Variants in GPC5 observed in about 807,000 individuals in gnomAD.
GPC5 encodes the protein glypican 5.
In GPC5, 47 loss-of-function variants were observed where a neutral mutation model predicts 53.9. The observed-to-expected ratio is 0.87, with a 90% confidence interval of 0.69 to 1.11. The LOEUF (loss-of-function observed/expected upper bound fraction) is 1.11, where lower values mean the gene tolerates loss of function less well. Ranked by LOEUF, GPC5 falls within the 50% of genes most tolerant of loss-of-function variation. The pLI, the probability that GPC5 is intolerant of heterozygous loss-of-function variation, is 0.00. For missense variants in GPC5, 748 were observed against 713.1 expected (o/e 1.05, Z -0.56); for synonymous variants, 286 against 263.3 (o/e 1.09, Z -0.84).
intron 7 of GPC5, among the ~76,000 whole-genome samples, chr13:92,651,436 A>G (rs1185995560): frequency 1.3e-5 from 2 of 152,102 alleles, no homozygotes; most frequent in African/African-American, 4.8e-5. Flanking sequence ...AGAAACATCA[A>G]TCAAATCCCA....
intron 7 of GPC5, among the ~76,000 whole-genome samples, chr13:92,460,624 G>A (rs531309837): frequency 6.6e-6 from 1 of 152,238 alleles, no homozygotes; most frequent in South Asian, 2.1e-4. Context: ...TCAGTTGTGT[G>A]ACTCACTCTA....
intron 7 of GPC5, among the ~76,000 whole-genome samples, chr13:92,729,554 A>T (rs921216938): frequency 6.6e-6 from 1 of 151,430 alleles, no homozygotes; most frequent in Non-Finnish European, 1.5e-5. Context: ...AAAATTACTT[A>T]TATGGTTTAT....
At chr13:91,958,384 AAGTATATTATT>A (rs1054140240) in intron 6 of GPC5, among the ~76,000 whole-genome samples, 2 of 152,122 alleles carry the variant, frequency 1.3e-5, no homozygotes, top group African/African-American at 4.8e-5. Flanking sequence ...CAGATATTTA[AAGTATATTATT>A]AGTGCAAAGG....
intron 7 of GPC5, among the ~76,000 whole-genome samples, chr13:92,674,780 C>T (rs7326781): frequency 1.6e-4 from 25 of 152,236 alleles, no homozygotes; most frequent in South Asian, 1.2e-3. Context: ...GGCTTTTTCA[C>T]AACCTCAAAT....
intron 7 of GPC5, among the ~76,000 whole-genome samples, chr13:92,154,489 A>G (rs2041929433): frequency 6.6e-6 from 1 of 152,210 alleles, no homozygotes; most frequent in South Asian, 2.1e-4. Context: ...CCAGTTTTCA[A>G]GATAATAAAT....
At chr13:91,987,848 T>A in intron 6 of GPC5, among the ~76,000 whole-genome samples, 1 of 145,548 alleles carries the variant, frequency 6.9e-6, no homozygotes, top group East Asian at 2.0e-4. Context: ...ATACTATATA[T>A]AATTATATAT....
chr13:91,599,332 A>G, intron 2 of GPC5, among the ~76,000 whole-genome samples: 1 of 152,216 alleles, frequency 6.6e-6, no homozygotes, highest in East Asian at 1.9e-4. Context: ...TAACATTTGT[A>G]TGTTCAGAAT....
At chr13:91,668,384 G>T (rs2035167070) in intron 2 of GPC5, among the ~76,000 whole-genome samples, 1 of 152,178 alleles carries the variant, frequency 6.6e-6, no homozygotes, top group African/African-American at 2.4e-5. Flanking sequence ...AAGTATGCAG[G>T]CCCTTTTATC....
chr13:91,987,849 A>AATTATATAT (rs2040422691), intron 6 of GPC5, among the ~76,000 whole-genome samples: 1 of 145,504 alleles, frequency 6.9e-6, no homozygotes, highest in Admixed American at 7.0e-5. Flanking sequence ...TACTATATAT[A>AATTATATAT]ATTATATATA....
At chr13:92,853,952 T>C (rs1334283512) in intron 7 of GPC5, among the ~76,000 whole-genome samples, 2 of 151,800 alleles carry the variant, frequency 1.3e-5, no homozygotes, top group Non-Finnish European at 2.9e-5. Flanking sequence ...GCTGCATCTC[T>C]ACATTTATTT....
intron 7 of GPC5, among the ~76,000 whole-genome samples, chr13:92,398,368 G>C (rs1875385145): frequency 7.2e-6 from 1 of 138,170 alleles, no homozygotes; most frequent in Non-Finnish European, 1.5e-5. Context: ...GGCGGAGCTT[G>C]CAGTGAGCCG....
At chr13:92,296,890 G>C (rs531767747) in intron 7 of GPC5, among the ~76,000 whole-genome samples, 1 of 152,362 alleles carries the variant, frequency 6.6e-6, no homozygotes, top group South Asian at 2.1e-4. Flanking sequence ...CCGGGCCTTA[G>C]CTGCCTTCCC....
intron 2 of GPC5, among the ~76,000 whole-genome samples, chr13:91,686,549 C>T (rs2035626944): frequency 6.6e-6 from 1 of 151,850 alleles, no homozygotes. Context: ...TAAACGCTTC[C>T]AGTCTAGAGA....
intron 5 of GPC5, among the ~76,000 whole-genome samples, chr13:91,798,553 G>A (rs1373848492): frequency 6.6e-6 from 1 of 152,174 alleles, no homozygotes; most frequent in East Asian, 1.9e-4. Context: ...AGTACTCCAT[G>A]ATGTATATGT....
chr13:92,264,892 G>A (rs961484037), intron 7 of GPC5, among the ~76,000 whole-genome samples: 1 of 89,714 alleles, frequency 1.1e-5, no homozygotes, highest in African/African-American at 4.0e-5. Context: ...GTGTGTGTGT[G>A]TGTGTGTGTG....
intron 6 of GPC5, among the ~76,000 whole-genome samples, chr13:91,989,133 G>A (rs7986596): frequency 0.6 from 90,570 of 151,904 alleles, 27,546 homozygotes; most frequent in East Asian, 0.75. Context: ...TGGAGCCTCA[G>A]TGGCCACACT....
chr13:92,166,956 TCACACA>T (rs199854897), intron 7 of GPC5, among the ~76,000 whole-genome samples: 334 of 84,698 alleles, frequency 3.9e-3, no homozygotes, highest in East Asian at 0.012. Context: ...TCTCTCTCTC[TCACACA>T]CACACACACA....
chr13:91,877,593 G>C (rs1304070797), intron 5 of GPC5, among the ~76,000 whole-genome samples: 2 of 152,154 alleles, frequency 1.3e-5, no homozygotes, highest in Non-Finnish European at 2.9e-5. Context: ...TACCTCCACT[G>C]TATCTAGGAA....
chr13:92,752,797 C>T (rs373706239), intron 7 of GPC5, among the ~76,000 whole-genome samples: 27 of 152,278 alleles, frequency 1.8e-4, no homozygotes, highest in Admixed American at 5.9e-4. Context: ...TAAAAAACAG[C>T]GCACCACGAG....
Sources: allele counts gnomAD v4.1 joint callset (sites outside exome capture counted in the v4.1 genomes callset), GRCh38; gene constraint gnomAD v4.1.1; transcripts MANE v1.5; gene names NCBI Gene and HGNC (gene_info 2026-07-23, HGNC 2026-07-21).